BTBD9: variants seen among roughly 807,000 people sequenced by gnomAD.
The protein encoded by BTBD9 is BTB domain containing 9, also known as BTB/POZ domain-containing protein 9.
BTBD9 carries 49 observed loss-of-function variants against 64.3 expected under a neutral mutation model. That is an observed-to-expected ratio of 0.76 (90% CI 0.61 to 0.97). BTBD9 has a LOEUF of 0.97. Among genes scored for constraint, BTBD9 ranks in the 50% least tolerant of loss-of-function variants. The pLI is 0.00. For synonymous variants in BTBD9, 260 were observed against 274.7 expected (o/e 0.95, Z 0.53); for missense variants, 598 against 762.1 (o/e 0.78, Z 2.53).
chr6:38,203,804 C>T (rs1044953197), intron 9 of BTBD9, among the ~76,000 whole-genome samples: 3 of 151,988 alleles, frequency 2.0e-5, no homozygotes, highest in African/African-American at 7.3e-5. Context: ...TAGGAATTTA[C>T]AGTTAGTTAG....
chr6:38,540,722 A>G (rs1562315553), intron 6 of BTBD9, among the ~76,000 whole-genome samples: 1 of 152,260 alleles, frequency 6.6e-6, no homozygotes. Context: ...GTCTGTCTCA[A>G]GAAAACACTG....
chr6:38,360,324 G>C (rs1225044660), intron 6 of BTBD9, among the ~76,000 whole-genome samples: 1 of 151,916 alleles, frequency 6.6e-6, no homozygotes, highest in African/African-American at 2.4e-5. Context: ...CATATAGTAG[G>C]TACTCAAAAA....
chr6:38,492,046 C>T (rs1771722774), intron 6 of BTBD9, among the ~76,000 whole-genome samples: 1 of 152,228 alleles, frequency 6.6e-6, no homozygotes, highest in African/African-American at 2.4e-5. Flanking sequence ...ATTGTTTACT[C>T]TGTTGTGGAT....
intron 1 of BTBD9, among the ~76,000 whole-genome samples, chr6:38,636,749 C>T (rs1031929805): frequency 6.6e-6 from 1 of 152,124 alleles, no homozygotes; most frequent in African/African-American, 2.4e-5. Context: ...TGGGAGGAGT[C>T]TAGACTTTTT....
rs1561819957 is a variant in BTBD9, at chr6:38,171,568, GTGTGTGTGTGTGTGTGTGT to G, written c.*3398_*3416del. On this transcript the variant is annotated 3_prime_UTR_variant, in exon 11 of 11. Coordinates refer to ENST00000481247, the MANE Select transcript of BTBD9 (RefSeq NM_001099272.2). ...AATGGTAAAACGGGTGTGTGTGTGTGTGTGTGTGTGTGTGTGTGTGTGTGTGTGTGTGTGTGAGAGGGAG... is the reference window on the plus strand; with the variant it reads ...AATGGTAAAACGGGTGTGTGTGTGTGGTGTGTGTGTGTGTGTGAGAGGGAG... 3 of 19,368 alleles carry G rather than the reference GTGTGTGTGTGTGTGTGTGT, an allele frequency of 1.5e-4. No individual in the cohort carries two copies. Among genetic ancestry groups the G allele is most frequent in the African/African-American group, 4.1e-4 (3 of 7,264 alleles). The allele number at this position is 19,368 out of a possible 1,614,324, so 1.2% of individuals were successfully genotyped here.
intron 6 of BTBD9, among the ~76,000 whole-genome samples, chr6:38,489,296 T>G (rs1376119005): frequency 6.6e-6 from 1 of 152,018 alleles, no homozygotes; most frequent in Non-Finnish European, 1.5e-5. Flanking sequence ...CAAGACCCCA[T>G]CTCTACAAAA....
chr6:38,416,627 A>G (rs1306323979), intron 6 of BTBD9, among the ~76,000 whole-genome samples: 3 of 150,406 alleles, frequency 2.0e-5, no homozygotes, highest in Non-Finnish European at 4.4e-5. Context: ...TACAGGCATG[A>G]GCCACCACGC....
At chr6:38,294,643 G>A (rs561260353) in intron 7 of BTBD9, among the ~76,000 whole-genome samples, 2 of 152,146 alleles carry the variant, frequency 1.3e-5, no homozygotes, top group African/African-American at 4.8e-5. Flanking sequence ...CACACACAGG[G>A]GCCTGTCAGG....
intron 10 of BTBD9, among the ~76,000 whole-genome samples, chr6:38,176,054 G>A (rs1228895460): frequency 1.3e-5 from 2 of 152,232 alleles, no homozygotes; most frequent in African/African-American, 2.4e-5. Flanking sequence ...GCACAGCACC[G>A]AGCTCAGCGC....
intron 6 of BTBD9, among the ~76,000 whole-genome samples, chr6:38,506,790 A>T (rs535887756): frequency 1.3e-5 from 2 of 152,346 alleles, no homozygotes; most frequent in Admixed American, 1.3e-4. Flanking sequence ...AATGTAAATC[A>T]GACTGTATCA....
At chr6:38,245,857 A>C (rs868688133) in intron 9 of BTBD9, among the ~76,000 whole-genome samples, 2 of 152,306 alleles carry the variant, frequency 1.3e-5, no homozygotes, top group African/African-American at 4.8e-5. Context: ...GACCATGTAC[A>C]TTTTGTGTGC....
At chr6:38,592,276 G>C (rs1461913898) in intron 4 of BTBD9, among the ~76,000 whole-genome samples, 1 of 152,030 alleles carries the variant, frequency 6.6e-6, no homozygotes, top group African/African-American at 2.4e-5. Context: ...AGGAAGAAAA[G>C]GTCTTAACAT....
Position 38,544,927 on chromosome 6 carries a change from C to CAAAAAAAAAAAAAAAAAAAAAA in BTBD9, c.1154+32651_1154+32672dup, listed in dbSNP as rs58694810. On this transcript the variant is annotated intron_variant, in intron 6 of 10. Coordinates refer to ENST00000481247, the MANE Select transcript of BTBD9 (RefSeq NM_001099272.2). The stretch of plus-strand genomic sequence containing the variant: ...GGGAAACAAGAACAAAACTACATCT[C>CAAAAAAAAAAAAAAAAAAAAAA]AAAAAAAAAAAAAAAAAAAAAAAAA... 6.2e-5 allele frequency among the ~76,000 whole-genome samples: 3 copies of CAAAAAAAAAAAAAAAAAAAAAA among 48,284 alleles called. 1 individual carries two copies. Among genetic ancestry groups the CAAAAAAAAAAAAAAAAAAAAAA allele is most frequent in the Admixed American group, 3.2e-4 (1 of 3,110 alleles). The allele number at this position is 48,284 out of a possible 152,430, so 31.7% of individuals were successfully genotyped here.
chr6:38,490,747 G>A (rs533998533), intron 6 of BTBD9, among the ~76,000 whole-genome samples: 1 of 152,330 alleles, frequency 6.6e-6, no homozygotes, highest in South Asian at 2.1e-4. Context: ...GGAAGAAGGT[G>A]AGAGATGGTA....
intron 7 of BTBD9, among the ~76,000 whole-genome samples, chr6:38,323,540 T>C (rs1424108286): frequency 6.6e-6 from 1 of 152,194 alleles, no homozygotes; most frequent in Non-Finnish European, 1.5e-5. Context: ...AACTTATACA[T>C]CATATGTTTT....
chr6:38,574,483 A>G (rs1465100915), intron 6 of BTBD9, among the ~76,000 whole-genome samples: 2 of 152,288 alleles, frequency 1.3e-5, no homozygotes, highest in Middle Eastern at 3.4e-3. Context: ...AGTGAGAGCC[A>G]CCTCACAGTG....
intron 6 of BTBD9, among the ~76,000 whole-genome samples, chr6:38,353,124 CT>C (rs1405105442): frequency 6.6e-6 from 1 of 152,176 alleles, no homozygotes; most frequent in Non-Finnish European, 1.5e-5. Flanking sequence ...ACAACTAGCT[CT>C]GTCTAAGAAC....
intron 8 of BTBD9, among the ~76,000 whole-genome samples, chr6:38,272,590 C>A (rs1335709509): frequency 6.6e-6 from 1 of 152,080 alleles, no homozygotes; most frequent in Non-Finnish European, 1.5e-5. Flanking sequence ...GAATTTTCTG[C>A]TTGTCTCTGA....
At chr6:38,410,643 T>C (rs1767383479) in intron 6 of BTBD9, among the ~76,000 whole-genome samples, 1 of 152,230 alleles carries the variant, frequency 6.6e-6, no homozygotes, top group African/African-American at 2.4e-5. Context: ...TACCTGGTCA[T>C]GTAACACCTA....
Sources: gnomAD v4.1 joint callset for allele counts (sites outside exome capture counted in the v4.1 genomes callset) on GRCh38, gnomAD v4.1.1 for gene constraint, MANE v1.5 for transcripts, NCBI Gene and HGNC (gene_info 2026-07-23, HGNC 2026-07-21) for gene names.